ZBTB1: variants seen among roughly 807,000 people sequenced by gnomAD.
The protein encoded by ZBTB1 is zinc finger and BTB domain-containing protein 1.
ZBTB1 carries 13 observed loss-of-function variants against 51.6 expected under a neutral mutation model. The observed-to-expected ratio is 0.25, with a 90% CI of 0.16 to 0.40. The LOEUF is 0.40. Among genes scored for constraint, ZBTB1 ranks in the 10% least tolerant of loss-of-function variants. ZBTB1 has a pLI of 1.00. For synonymous variants in ZBTB1, 240 were observed against 282.2 expected, an observed-to-expected ratio of 0.85 and a Z score of 1.50; for missense variants, 567 against 856.5, an observed-to-expected ratio of 0.66 and a Z score of 4.22.
At position 64,524,681 on chromosome 14, in the gene ZBTB1, A is replaced by T. The variant is rs973004975; in HGVS notation, c.*1035A>T. On this transcript the variant is annotated 3_prime_UTR_variant, in exon 2 of 2. Transcript: ENST00000683701. ...TCTATAAAAGTAGAGTGCACAAAAA[A>T]ATGTCTTGTGTTTTATACTGTCTAA... The T allele has an allele frequency of 1.3e-5, 13 of 985,024 alleles. No individual in the cohort carries two copies. The Admixed American group carries it at 6.1e-4, about 47-fold the overall frequency. 61.0% of individuals were successfully genotyped at this position (985,024 alleles called of 1,614,324 possible). A position where few individuals can be genotyped will look rare whatever the true frequency, so the allele number is the denominator to read the frequency against.
chr14:64,513,964 A>G (rs566650163), intron 1 of ZBTB1, among the ~76,000 whole-genome samples: 1 of 152,302 alleles, frequency 6.6e-6, no homozygotes, highest in South Asian at 2.1e-4. Flanking sequence ...CGGCCTCAAT[A>G]TAGTTTATTA....
intron 1 of ZBTB1, among the ~76,000 whole-genome samples, chr14:64,513,658 T>G (rs1209928434): frequency 6.6e-6 from 1 of 152,110 alleles, no homozygotes; most frequent in Non-Finnish European, 1.5e-5. Context: ...TATAGTTTAT[T>G]TTTATTTTTA....
exon 3 of ZBTB1, chr14:64,533,544 A>C (rs2140196803): frequency 6.5e-6 from 1 of 152,686 alleles, no homozygotes; most frequent in Admixed American, 6.5e-5. Context: ...AATAATTATA[A>C]ATGGTATAAA....
At chr14:64,511,082 C>G (rs751900145) in intron 1 of ZBTB1, among the ~76,000 whole-genome samples, 1 of 152,156 alleles carries the variant, frequency 6.6e-6, no homozygotes, top group Non-Finnish European at 1.5e-5. Context: ...AGACAAAATA[C>G]AGGGAGGGGC....
rs1025058811 is a variant in ZBTB1, at chr14:64,521,891, T to G, written c.387T>G (p.Ser129=). ...GTTCTAGTTCAAAATGTTCCTCTTC[T>G]GCTTCCAGCAAACAGAACAGCAAAA... ...ADCSSSKCSS[S]ASSKQNSKMI... is the part of the protein sequence containing the mutation. Residue 129 remains serine (S), a synonymous_variant, in exon 2 of 2, where the codon TCT becomes TCG. Coordinates refer to ENST00000683701, the MANE Select transcript of ZBTB1 (RefSeq NM_001123329.2). 1.2e-6 allele frequency: 2 copies of G among 1,613,930 alleles called. No individual in the cohort carries two copies. Among genetic ancestry groups the G allele is most frequent in the Non-Finnish European group, 1.7e-6 (2 of 1,180,040 alleles).
In ZBTB1 at chr14:64,523,725, A is replaced by G; in HGVS notation, c.*79A>G. 3 of 1,401,442 alleles carry G rather than the reference A, an allele frequency of 2.1e-6. No individual in the cohort carries two copies. The highest frequency in any genetic ancestry group is 1.9e-6 in the Non-Finnish European group (2 of 1,075,584). 86.8% of individuals were successfully genotyped at this position (1,401,442 alleles called of 1,614,324 possible). A position where few individuals can be genotyped will look rare whatever the true frequency, so the allele number is the denominator to read the frequency against. On this transcript the variant is annotated 3_prime_UTR_variant, in exon 2 of 2. Coordinates refer to ENST00000683701, the MANE Select transcript of ZBTB1 (RefSeq NM_001123329.2). This position sits in a 1 kb window ranked among gnomAD's most constrained non-coding sequence, Gnocchi z 4.5. ...AAGGATATGAGCTATTTAGGAATTGATTATATAAGATGATTTGTTAGAAAC... is the reference window on the plus strand; with the variant it reads ...AAGGATATGAGCTATTTAGGAATTGGTTATATAAGATGATTTGTTAGAAAC...
rs1268062569 is a variant in ZBTB1 at position 64,517,779 on chromosome 14, ATATTTT to A, written c.-18-3706_-18-3701del. ...GAAATATATATATATATATATATAT[ATATTTT>A]TTTTTTTTTTTTTTTTTTGAGACAG... On this transcript the variant is annotated intron_variant, in intron 1 of 1. Transcript: ENST00000683701. 8.2e-3 allele frequency among the ~76,000 whole-genome samples: 327 copies of A among 39,686 alleles called. 1 individual carries two copies. Among genetic ancestry groups the A allele is most frequent in the African/African-American group, 0.016 (182 of 11,132 alleles). The allele number at this position is 39,686 out of a possible 152,430, so 26.0% of individuals were successfully genotyped here.
downstream of ZBTB1, among the ~76,000 whole-genome samples, chr14:64,525,110 G>T (rs2079894496): frequency 6.6e-6 from 1 of 152,048 alleles, no homozygotes; most frequent in African/African-American, 2.4e-5. Flanking sequence ...ATCATATTTT[G>T]TATACAATTT....
intron 1 of ZBTB1, among the ~76,000 whole-genome samples, chr14:64,517,197 T>C (rs1222889562): frequency 1.2e-4 from 18 of 152,168 alleles, no homozygotes. Context: ...ATTTTACACA[T>C]TGCCTCTGTG....
chr14:64,518,904 G>GTGTATATATA (rs71444662), intron 1 of ZBTB1, among the ~76,000 whole-genome samples: 3 of 95,128 alleles, frequency 3.2e-5, no homozygotes, highest in African/African-American at 8.9e-5. Context: ...TTGCAGAGAG[G>GTGTATATATA]TATATATATA....
chr14:64,519,987 GGTTGTTGTT>G (rs35572100), intron 1 of ZBTB1, among the ~76,000 whole-genome samples: 6 of 150,184 alleles, frequency 4.0e-5, no homozygotes, highest in South Asian at 2.1e-4. Context: ...AATCTAATAA[GGTTGTTGTT>G]GTTGTTGTTG....
At chr14:64,503,767 C>G (rs1378850450), upstream of ZBTB1, 4 of 268,360 alleles carry the variant, frequency 1.5e-5, no homozygotes, top group Non-Finnish European at 2.3e-5. Flanking sequence ...TCGGCCGCCT[C>G]TCGCGCGGCT....
chr14:64,525,903 C>T (rs2079900339), downstream of ZBTB1, among the ~76,000 whole-genome samples: 1 of 152,154 alleles, frequency 6.6e-6, no homozygotes, highest in South Asian at 2.1e-4. Context: ...TCACTGCAAC[C>T]TCCACCTCCC....
intron 1 of ZBTB1, among the ~76,000 whole-genome samples, chr14:64,508,296 T>C (rs562625323): frequency 6.6e-6 from 1 of 152,348 alleles, no homozygotes; most frequent in South Asian, 2.1e-4. Flanking sequence ...ATGAGATGCA[T>C]GCAGTCGTTT....
At chr14:64,527,157 TAAA>T (rs551980162), downstream of ZBTB1, among the ~76,000 whole-genome samples, 4 of 144,616 alleles carry the variant, frequency 2.8e-5, no homozygotes, top group Admixed American at 6.9e-5. Flanking sequence ...GCTAATAATT[TAAA>T]AAAAAAAAAA....
At chr14:64,531,878 C>T in exon 3 of ZBTB1, 2 of 1,613,686 alleles carry the variant, frequency 1.2e-6, no homozygotes, top group Non-Finnish European at 1.7e-6. Flanking sequence ...ATAGGGCCTT[C>T]TAAACCTGTG....
chr14:64,524,802 TCA>T lies in ZBTB1; in HGVS notation c.*1159_*1160del, dbSNP rs1252752222. ...ATAAAACTTGAGGATTATAAAATAA[TCA>T]CAGAGTATATCAATGGAAACAGTTT... On this transcript the variant is annotated 3_prime_UTR_variant, in exon 2 of 2. Transcript: ENST00000683701. 2.0e-6 allele frequency: 2 copies of T among 981,218 alleles called. No homozygotes were observed. Among genetic ancestry groups the T allele is most frequent in the South Asian group, 4.7e-5 (1 of 21,200 alleles). 60.8% of individuals were successfully genotyped at this position (981,218 alleles called of 1,614,324 possible). A position where few individuals can be genotyped will look rare whatever the true frequency, so the allele number is the denominator to read the frequency against.
chr14:64,524,505 A>G lies in ZBTB1; in HGVS notation c.*859A>G. 1 of 956,262 alleles carries G rather than the reference A, an allele frequency of 1.0e-6. No homozygotes were observed. The highest frequency in any genetic ancestry group is 1.2e-6 in the Non-Finnish European group (1 of 803,490). 59.2% of individuals were successfully genotyped at this position (956,262 alleles called of 1,614,324 possible). A position where few individuals can be genotyped will look rare whatever the true frequency, so the allele number is the denominator to read the frequency against. ...AGCTTATCAATTATTTTTGTTTATAAATAGACTTTAATAGCTCTCTAAGAA... is the reference window on the plus strand; with the variant it reads ...AGCTTATCAATTATTTTTGTTTATAGATAGACTTTAATAGCTCTCTAAGAA... On this transcript the variant is annotated 3_prime_UTR_variant, in exon 2 of 2. Transcript: ENST00000683701.
intron 1 of ZBTB1, chr14:64,511,483 G>A (rs1015884187): frequency 6.6e-6 from 1 of 152,130 alleles, no homozygotes; most frequent in Non-Finnish European, 1.5e-5. Context: ...CAGTGCCTTG[G>A]CCTGATGCAA....
Sources: gnomAD v4.1 joint callset for allele counts (sites outside exome capture counted in the v4.1 genomes callset) on GRCh38, gnomAD v4.1.1 for gene constraint, Gnocchi (gnomAD v3.1) non-coding constraint, MANE v1.5 for transcripts, NCBI Gene and HGNC (gene_info 2026-07-23, HGNC 2026-07-21) for gene names.